NCKAP5: variants seen among roughly 807,000 people sequenced by gnomAD.
The protein encoded by NCKAP5 is nck-associated protein 5.
A neutral mutation model predicts 167.0 loss-of-function variants in NCKAP5; 92 were observed. The ratio of observed to expected loss-of-function variants is 0.55; its 90% confidence interval spans 0.47 to 0.66. The LOEUF (loss-of-function observed/expected upper bound fraction) is 0.66. Among genes scored for constraint, NCKAP5 ranks in the 30% least tolerant of loss-of-function variants. NCKAP5 has a pLI of 0.00. For synonymous variants in NCKAP5, 891 were observed against 877.4 expected (o/e 1.02, Z -0.27); for missense variants, 2,378 against 2,315.0 (o/e 1.03, Z -0.56).
intron 15 of NCKAP5, 59 bp from the exon 16 acceptor site, chr2:132,773,953 C>T (rs762182683): frequency 1.3e-5 from 19 of 1,422,748 alleles, no homozygotes; most frequent in Non-Finnish European, 1.9e-5. Flanking sequence ...GATCCTTTTG[C>T]AATCCTCAGA....
rs771415435 is a variant in NCKAP5, at chr2:133,154,325, G to A, written c.208-24214C>T. Among the ~76,000 whole-genome samples, 14 of 152,292 alleles carry A rather than the reference G, an allele frequency of 9.2e-5. No homozygotes were observed. In the East Asian group the frequency reaches 2.1e-3, roughly 23 times the overall value. On this transcript the variant is annotated intron_variant, in intron 5 of 19. Transcript: ENST00000409261. ...GTGTTTCTGCCTCATTTGTGAGAAT[G>A]TGAACAACTCTCACAAATGAGGGAC...
chr2:132,856,375 C>A (rs1280242312), intron 11 of NCKAP5, among the ~76,000 whole-genome samples: 1 of 151,450 alleles, frequency 6.6e-6, no homozygotes, highest in African/African-American at 2.5e-5. Flanking sequence ...AAAGCCCTCT[C>A]ATCTTACTGG....
intron 5 of NCKAP5, among the ~76,000 whole-genome samples, chr2:133,183,437 A>G (rs1369164936): frequency 6.6e-6 from 1 of 152,178 alleles, no homozygotes; most frequent in Non-Finnish European, 1.5e-5. Flanking sequence ...GGACATGAGA[A>G]TGGAAAAAAA....
At chr2:132,683,841 A>G (rs1449887894) in intron 19 of NCKAP5, among the ~76,000 whole-genome samples, 1 of 152,182 alleles carries the variant, frequency 6.6e-6, no homozygotes, top group African/African-American at 2.4e-5. Flanking sequence ...CATCATGCTG[A>G]TGACATTCTT....
At chr2:133,621,121 C>T in the NCKAP5 span, among the ~76,000 whole-genome samples, 4 of 151,984 alleles carry the variant, frequency 2.6e-5, no homozygotes, top group Admixed American at 6.6e-5. Flanking sequence ...ACAGCAAAAG[C>T]GGTGCTAGAA....
chr2:133,266,884 G>A (rs979201977), intron 4 of NCKAP5, among the ~76,000 whole-genome samples: 4 of 152,166 alleles, frequency 2.6e-5, no homozygotes, highest in Admixed American at 6.5e-5. Context: ...CCGGCGGGCG[G>A]CTCGGCTTGC....
At chr2:133,359,812 A>C (rs1684977715) in intron 3 of NCKAP5, among the ~76,000 whole-genome samples, 1 of 152,230 alleles carries the variant, frequency 6.6e-6, no homozygotes, top group Admixed American at 6.5e-5. Flanking sequence ...TAACTTGAAA[A>C]TGTAATTTTG....
chr2:133,020,125 C>T (rs1210460307), intron 6 of NCKAP5, among the ~76,000 whole-genome samples: 2 of 152,214 alleles, frequency 1.3e-5, no homozygotes, highest in East Asian at 3.8e-4. Flanking sequence ...TATGCATCTG[C>T]CACATATTAA....
At chr2:133,015,574 G>A (rs953951755) in intron 6 of NCKAP5, among the ~76,000 whole-genome samples, 5 of 152,180 alleles carry the variant, frequency 3.3e-5, no homozygotes, top group Non-Finnish European at 7.4e-5. Flanking sequence ...AGCTTCATCA[G>A]GGTAGTGAGC....
intron 3 of NCKAP5, among the ~76,000 whole-genome samples, chr2:133,341,283 G>A (rs1306817378): frequency 1.8e-5 from 2 of 110,378 alleles, no homozygotes; most frequent in African/African-American, 7.4e-5. Context: ...GAAGTGAGCA[G>A]ATTTTTTTTT....
At chr2:132,708,435 A>G (rs764301283) in intron 19 of NCKAP5, among the ~76,000 whole-genome samples, 2 of 152,146 alleles carry the variant, frequency 1.3e-5, no homozygotes, top group Non-Finnish European at 2.9e-5. Context: ...TCATGGGCCT[A>G]GGGCAGTGGT....
chr2:132,901,467 C>T (rs1171643732), intron 8 of NCKAP5, among the ~76,000 whole-genome samples: 1 of 152,208 alleles, frequency 6.6e-6, no homozygotes, highest in African/African-American at 2.4e-5. Flanking sequence ...GGAGACACTG[C>T]TCACTTTAAG....
chr2:132,788,519 T>G (rs749658914), intron 13 of NCKAP5, among the ~76,000 whole-genome samples: 2 of 152,176 alleles, frequency 1.3e-5, no homozygotes, highest in Admixed American at 6.5e-5. Context: ...GTTATTTAAC[T>G]TCTTAGCACC....
the NCKAP5 span, among the ~76,000 whole-genome samples, chr2:133,660,571 TTATAAATAGGAAAGCATTACA>T: frequency 5.3e-5 from 8 of 152,290 alleles, no homozygotes; most frequent in African/African-American, 1.9e-4. Context: ...TAAAAACACT[TTATAAATAGGAAAGCATTACA>T]TACTGAAACA....
chr2:132,730,941 G>GTCTCCT (rs535298163), intron 17 of NCKAP5, among the ~76,000 whole-genome samples: 14 of 152,210 alleles, frequency 9.2e-5, no homozygotes, highest in Non-Finnish European at 1.9e-4. Context: ...ATAATTAAAA[G>GTCTCCT]TCTCCTTTTC....
chr2:133,401,317 AT>A (rs1477010496), intron 3 of NCKAP5, among the ~76,000 whole-genome samples: 1 of 152,152 alleles, frequency 6.6e-6, no homozygotes, highest in Non-Finnish European at 1.5e-5. Context: ...AACTTGTATC[AT>A]TTATAGTAAA....
chr2:133,597,388 G>A, the NCKAP5 span, among the ~76,000 whole-genome samples: 1 of 152,210 alleles, frequency 6.6e-6, no homozygotes, highest in Non-Finnish European at 1.5e-5. Flanking sequence ...GGAGACTGCT[G>A]GCTGGGCGCA....
intron 7 of NCKAP5, among the ~76,000 whole-genome samples, chr2:132,966,014 T>C (rs1320336674): frequency 6.6e-6 from 1 of 151,764 alleles, no homozygotes; most frequent in African/African-American, 2.4e-5. Context: ...ATTGGGGTGG[T>C]AAATGAAAAG....
chr2:133,349,594 G>C (rs1353496937), intron 3 of NCKAP5, among the ~76,000 whole-genome samples: 1 of 152,190 alleles, frequency 6.6e-6, no homozygotes. Flanking sequence ...CCATTAGCTT[G>C]TCATGCTTGT....
Sources: allele counts gnomAD v4.1 joint callset (sites outside exome capture counted in the v4.1 genomes callset), GRCh38; gene constraint gnomAD v4.1.1; transcripts MANE v1.5; gene names NCBI Gene and HGNC (gene_info 2026-07-23, HGNC 2026-07-21).